The following CDO1 variants were observed in gnomAD, a reference collection of about 807,000 sequenced individuals.
The protein encoded by CDO1 is cysteine dioxygenase type 1.
Under a neutral mutation model 24.5 loss-of-function variants are expected in CDO1, and 19 were observed. The observed-to-expected ratio is 0.77, with a 90% confidence interval of 0.54 to 1.14. The LOEUF is 1.14. Ranked by LOEUF, CDO1 falls within the 50% of genes most tolerant of loss-of-function variation. The probability of loss-of-function intolerance (pLI) is 0.00; values close to 1 mark genes in which losing one functional copy is unlikely to be tolerated. For synonymous variants in CDO1, 91 were observed against 87.0 expected, an observed-to-expected ratio of 1.05 and a Z score of -0.26; for missense variants, 244 against 244.8, an observed-to-expected ratio of 1.00 and a Z score of 0.02.
chr5:115,812,197 C>T (rs1760218669), intron 2 of CDO1, among the ~76,000 whole-genome samples: 1 of 152,126 alleles, frequency 6.6e-6, no homozygotes, highest in South Asian at 2.1e-4. Flanking sequence ...ACACTTCATT[C>T]CATATGAGTA....
chr5:115,807,677 G>GA (rs796686450), intron 3 of CDO1, among the ~76,000 whole-genome samples: 3,074 of 112,966 alleles, frequency 0.027, 42 homozygotes, highest in African/African-American at 0.047. Flanking sequence ...AAAAGAAAGA[G>GA]AAAAAAAAAA....
intron 2 of CDO1, 110 bp downstream of exon 2, chr5:115,813,071 A>T (rs1436611954): frequency 5.7e-6 from 3 of 529,068 alleles, no homozygotes; most frequent in Non-Finnish European, 9.9e-6. Context: ...AAAAAAAAAA[A>T]AAATGAGATT....
At chr5:115,809,562 T>G (rs1281656693) in intron 3 of CDO1, 1 of 152,090 alleles carries the variant, frequency 6.6e-6, no homozygotes, top group African/African-American at 2.4e-5. Context: ...ACCAAACCCA[T>G]TCTTCTTTCT....
chr5:115,805,482 AG>A lies in CDO1; in HGVS notation c.574-21del. 1 of 1,612,776 alleles carries A rather than the reference AG, an allele frequency of 6.2e-7. No individual in the cohort carries two copies. The highest frequency in any genetic ancestry group is 8.5e-7 in the Non-Finnish European group (1 of 1,178,856). On this transcript the variant is annotated intron_variant, in intron 4 of 4. Transcript: ENST00000250535. ...AGTTGCCTGTAAAAAAGGGAAAAAA[AG>A]AAAGCTGTGTAAGAAACTTTACAAA...
intron 1 of CDO1, 63 bp from the exon 2 acceptor site, chr5:115,813,321 T>A: frequency 5.7e-6 from 5 of 883,590 alleles, no homozygotes; most frequent in Admixed American, 3.6e-5. Context: ...CTGGAAAAAA[T>A]AAGTGTGTCA....
chr5:115,814,740 G>A (rs1353772839), intron 1 of CDO1, among the ~76,000 whole-genome samples: 1 of 152,186 alleles, frequency 6.6e-6, no homozygotes, highest in East Asian at 1.9e-4. Flanking sequence ...GTTTAACAGT[G>A]GTTTAGAGTG....
rs780793909 is a variant in CDO1 at position 115,816,229 on chromosome 5, T to C, written c.169A>G (p.Arg57Gly). 1 of 1,614,106 alleles carries C rather than the reference T, an allele frequency of 6.2e-7. No homozygotes were observed. Among genetic ancestry groups the C allele is most frequent in the South Asian group, 1.1e-5 (1 of 91,078 alleles). The change falls in exon 1 of 5, where the codon AGG becomes GGG. Residue 57 changes from arginine to glycine, a missense_variant and splice_region_variant. Physicochemically the swap from Arg to Gly is moderately radical, Grantham distance 125. Coordinates refer to ENST00000250535, the MANE Select transcript of CDO1 (RefSeq NM_001801.3). Reference sequence around the variant, plus strand: ...GCATTGAAGCTGCAGCGCGCTCACCTGTACTGGTCGAACTTGGCGTACATT... The same window carrying C: ...GCATTGAAGCTGCAGCGCGCTCACCCGTACTGGTCGAACTTGGCGTACATT... ...WAMYAKFDQY[R>G]YTRNLVDQGN...
At chr5:115,814,832 T>C (rs1760357655) in intron 1 of CDO1, among the ~76,000 whole-genome samples, 2 of 152,192 alleles carry the variant, frequency 1.3e-5, no homozygotes, top group South Asian at 4.1e-4. Context: ...TTCAACTTCT[T>C]CATTGCCTGC....
chr5:115,812,452 A>G (rs982210358), intron 2 of CDO1, among the ~76,000 whole-genome samples: 1 of 152,228 alleles, frequency 6.6e-6, no homozygotes, highest in African/African-American at 2.4e-5. Flanking sequence ...ATTAACTTGA[A>G]GTAGAAAGAA....
rs766064742 is a variant in CDO1 at position 115,805,455 on chromosome 5, G to A, written c.581C>T (p.Ser194Leu). The A allele has an allele frequency of 2.2e-5, 36 of 1,613,690 alleles. No individual in the cohort carries two copies. In the Admixed American group the frequency reaches 2.8e-4, roughly 13 times the overall value. ...KFGIRTPNAT[S>L]GSLENN ...CCCTTAGTTGTTCTCCAGCGAGCCC[G>A]AAGTTGCCTGTAAAAAAGGGAAAAA... The change falls in exon 5 of 5, where the codon TCG becomes TTG. Residue 194 changes from serine to leucine, a missense_variant. Coordinates refer to ENST00000250535, the MANE Select transcript of CDO1 (RefSeq NM_001801.3).
intron 3 of CDO1, among the ~76,000 whole-genome samples, chr5:115,807,919 A>G (rs939325242): frequency 6.6e-6 from 1 of 152,184 alleles, no homozygotes; most frequent in Non-Finnish European, 1.5e-5. Flanking sequence ...AGAAGATCCC[A>G]AAAGTTTCTA....
Position 115,806,349 on chromosome 5 carries a change from A to G in CDO1, c.573T>C (p.Asn191=), listed in dbSNP as rs1479564176. 1.9e-6 allele frequency: 3 copies of G among 1,602,922 alleles called. No individual in the cohort carries two copies. Among genetic ancestry groups the G allele is most frequent in the African/African-American group, 2.7e-5 (2 of 74,284 alleles). Residue 191 remains asparagine (N), a splice_region_variant and synonymous_variant, in exon 4 of 5, where the codon AAT becomes AAC. Transcript: ENST00000250535. ...TAAACCTAGAAGAAATTATACTCAC[A>G]TTTGGAGTTCTGATTCCAAATTTAC... is the stretch of plus-strand genomic sequence containing the variant. The part of the protein sequence containing the change: ...FHSKFGIRTP[N]ATSGSLENN
At position 115,816,106 on chromosome 5, in the gene CDO1, C is replaced by A. The variant is rs1370289502; in HGVS notation, c.170+122G>T. The A allele has an allele frequency of 9.3e-6, 9 of 962,816 alleles. No homozygotes were observed. In the East Asian group the frequency reaches 2.3e-4, roughly 24 times the overall value. The allele number at this position is 962,816 out of a possible 1,614,324, so 59.6% of individuals were successfully genotyped here. On this transcript the variant is annotated intron_variant, in intron 1 of 4. Transcript: ENST00000250535. ...CGCGGCTGGCCAGCGAGGGGGCGAGCGGCGGACGCAGCGCGGCCCGAGCTT... is the reference window on the plus strand; with the variant it reads ...CGCGGCTGGCCAGCGAGGGGGCGAGAGGCGGACGCAGCGCGGCCCGAGCTT...
intron 3 of CDO1, among the ~76,000 whole-genome samples, chr5:115,810,738 C>T (rs1046205090): frequency 3.9e-5 from 6 of 152,122 alleles, no homozygotes; most frequent in African/African-American, 1.2e-4. Flanking sequence ...AAATTTCCCT[C>T]GAGGATACTT....
At chr5:115,806,625 GA>G in intron 3 of CDO1, 107 bp from the exon 4 acceptor site, 1 of 771,526 alleles carries the variant, frequency 1.3e-6, no homozygotes, top group Non-Finnish European at 2.1e-6. Flanking sequence ...GATGCAAATG[GA>G]ATAGATATTA....
At chr5:115,806,623 T>C (rs1405827740) in intron 3 of CDO1, 105 bp from the exon 4 acceptor site, 3 of 787,082 alleles carry the variant, frequency 3.8e-6, no homozygotes, top group Non-Finnish European at 6.1e-6. Context: ...GTGATGCAAA[T>C]GGAATAGATA....
Position 115,811,307 on chromosome 5 carries a change from T to C in CDO1, c.257A>G (p.His86Arg). 4 of 1,611,780 alleles carry C rather than the reference T, an allele frequency of 2.5e-6. No individual in the cohort carries two copies. Among genetic ancestry groups the C allele is most frequent in the South Asian group, 1.1e-5 (1 of 91,022 alleles). Residue 86 changes from histidine (H) to arginine (R), a missense_variant, in exon 3 of 5, where the codon CAT (histidine) becomes CGT (arginine). Physicochemically the swap from His to Arg is conservative, Grantham distance 29. Coordinates refer to ENST00000250535, the MANE Select transcript of CDO1 (RefSeq NM_001801.3). ...AAAGCAGTGGGAGTTGGTATGATCA[T>C]GAATACTGCTATATGTACACAAAAT... ...CWGEGHGSSI[H>R]DHTNSHCFLK...
rs1759885404 is a variant in CDO1, at chr5:115,805,217, C to G, written c.*216G>C. 2.1e-6 allele frequency: 1 copy of G among 486,658 alleles called. No individual in the cohort carries two copies. Among genetic ancestry groups the G allele is most frequent in the Admixed American group, 3.8e-5 (1 of 26,460 alleles). 30.1% of individuals were successfully genotyped at this position (486,658 alleles called of 1,614,324 possible). ...CACTTGAAAACTTGCCTTTAAAAATCACAAGACTTTCTTTTCCTCAGTGGG... is the reference window on the plus strand; with the variant it reads ...CACTTGAAAACTTGCCTTTAAAAATGACAAGACTTTCTTTTCCTCAGTGGG... On this transcript the variant is annotated 3_prime_UTR_variant, in exon 5 of 5. Coordinates refer to ENST00000250535, the MANE Select transcript of CDO1 (RefSeq NM_001801.3).
chr5:115,811,404 T>C lies in CDO1; in HGVS notation c.249-89A>G, dbSNP rs79863864. ...AGTCTTCCCAGAACTGACACCTGCA[T>C]ACTGTCAATAAGCTATCTCCCCAGC... On this transcript the variant is annotated intron_variant, in intron 2 of 4. Coordinates refer to ENST00000250535, the MANE Select transcript of CDO1 (RefSeq NM_001801.3). The C allele has an allele frequency of 5.9e-3, 5,224 of 884,522 alleles. 167 individuals are homozygous for C. The African/African-American group carries it at 0.069, about 12-fold the overall frequency. The allele number at this position is 884,522 out of a possible 1,614,324, so 54.8% of individuals were successfully genotyped here. A position where few individuals can be genotyped will look rare whatever the true frequency, so the allele number is the denominator to read the frequency against.
Sources: allele counts gnomAD v4.1 joint callset (sites outside exome capture counted in the v4.1 genomes callset), GRCh38; gene constraint gnomAD v4.1.1; transcripts MANE v1.5; gene names NCBI Gene and HGNC (gene_info 2026-07-23, HGNC 2026-07-21).